The following CHIC1 variants were observed in gnomAD, a reference collection of about 807,000 sequenced individuals.
CHIC1 encodes the protein cysteine-rich hydrophobic domain-containing protein 1.
CHIC1 carries 7 observed loss-of-function variants against 18.5 expected under a neutral mutation model. The observed-to-expected ratio is 0.38, with a 90% CI of 0.22 to 0.71. The LOEUF (loss-of-function observed/expected upper bound fraction) is 0.71. Ranked by LOEUF, CHIC1 falls within the 30% of genes least tolerant of loss-of-function variation. The pLI, the probability that CHIC1 is intolerant of heterozygous loss-of-function variation, is 0.49. For synonymous variants in CHIC1, 77 were observed against 73.5 expected, an observed-to-expected ratio of 1.05 and a Z score of -0.25; for missense variants, 159 against 176.9, an observed-to-expected ratio of 0.90 and a Z score of 0.57.
chrX:73,664,627 A>G (rs990244151), intron 3 of CHIC1, among the ~76,000 whole-genome samples: 1 of 111,745 alleles, frequency 8.9e-6, no homozygotes, highest in Non-Finnish European at 1.9e-5. Flanking sequence ...ATGGCTCCTG[A>G]GGCCCTTGTC....
At chrX:73,671,831 A>G (rs2058032340) in intron 3 of CHIC1, among the ~76,000 whole-genome samples, 1 of 109,080 alleles carries the variant, frequency 9.2e-6, no homozygotes, top group Non-Finnish European at 1.9e-5. Flanking sequence ...CAGGTTTGTT[A>G]CATATGTATA....
In CHIC1 at chrX:73,641,836, A is replaced by T. The variant is rs762704895; in HGVS notation, c.508-37490A>T. The stretch of plus-strand genomic sequence containing the variant: ...TTCCAATTTCATCCATGTCCCTACA[A>T]AGGACATGAACTCATCATTTTTTAG... On this transcript the variant is annotated intron_variant, in intron 3 of 5. Transcript: ENST00000373502. 3.6e-5 allele frequency among the ~76,000 whole-genome samples: 4 copies of T among 111,466 alleles called. No homozygotes were observed. In the South Asian group the frequency reaches 1.5e-3, roughly 42 times the overall value.
At chrX:73,672,770 T>C (rs1215736542) in intron 3 of CHIC1, among the ~76,000 whole-genome samples, 3 of 111,948 alleles carry the variant, frequency 2.7e-5, no homozygotes, top group Non-Finnish European at 5.6e-5. Flanking sequence ...TTTAGTTTAA[T>C]TAGATCCCAT....
intron 3 of CHIC1, among the ~76,000 whole-genome samples, chrX:73,588,148 A>G (rs1009878807): frequency 2.7e-5 from 3 of 111,410 alleles, no homozygotes; most frequent in Admixed American, 9.5e-5. Flanking sequence ...GTTAACTCAT[A>G]TTAAGAGAAC....
At chrX:73,576,514 A>G (rs2057500046) in intron 1 of CHIC1, among the ~76,000 whole-genome samples, 1 of 110,557 alleles carries the variant, frequency 9.0e-6, no homozygotes, top group African/African-American at 3.3e-5. Context: ...TCTTTGAAAC[A>G]TGTTATGTAG....
intron 3 of CHIC1, among the ~76,000 whole-genome samples, chrX:73,646,929 C>A (rs1051755931): frequency 4.5e-5 from 5 of 112,339 alleles, no homozygotes; most frequent in Non-Finnish European, 9.4e-5. Context: ...TTCATAGTTT[C>A]AGGTCTTACA....
chrX:73,616,698 G>A (rs922435691), intron 3 of CHIC1, among the ~76,000 whole-genome samples: 1 of 112,056 alleles, frequency 8.9e-6, no homozygotes, highest in African/African-American at 3.2e-5. Flanking sequence ...CTTGGGGCTT[G>A]CTTCCTCTGA....
At chrX:73,664,219 C>A (rs1253639613) in intron 3 of CHIC1, among the ~76,000 whole-genome samples, 3 of 111,695 alleles carry the variant, frequency 2.7e-5, no homozygotes, top group Admixed American at 9.5e-5. Flanking sequence ...TCAATTTGGA[C>A]CTGCATTGAT....
chrX:73,578,782 A>G (rs1394347381), intron 2 of CHIC1: 1 of 110,602 alleles, frequency 9.0e-6, no homozygotes, highest in Non-Finnish European at 1.9e-5. Flanking sequence ...GGATAGAGGC[A>G]AGGGTAAGGA....
intron 3 of CHIC1, among the ~76,000 whole-genome samples, chrX:73,663,516 A>G (rs889558629): frequency 1.4e-4 from 15 of 110,606 alleles, no homozygotes; most frequent in African/African-American, 4.9e-4. Context: ...CTGAATTGCA[A>G]CATGTTAGGG....
intron 3 of CHIC1, among the ~76,000 whole-genome samples, chrX:73,626,150 A>G (rs1286932546): frequency 9.0e-6 from 1 of 111,448 alleles, no homozygotes; most frequent in Non-Finnish European, 1.9e-5. Context: ...GAAATAAAAG[A>G]ATGGCTACTC....
intron 3 of CHIC1, among the ~76,000 whole-genome samples, chrX:73,602,887 G>C (rs1227133316): frequency 9.2e-6 from 1 of 108,707 alleles, no homozygotes; most frequent in Admixed American, 9.7e-5. Context: ...ATCTGTTTTG[G>C]TATTAGTACA....
At chrX:73,670,876 T>C (rs1397679662) in intron 3 of CHIC1, among the ~76,000 whole-genome samples, 5 of 111,931 alleles carry the variant, frequency 4.5e-5, no homozygotes, top group Non-Finnish European at 9.4e-5. Context: ...TCTGAGAAGA[T>C]ACTTGATATG....
intron 3 of CHIC1, among the ~76,000 whole-genome samples, chrX:73,645,795 A>G (rs1048099321): frequency 3.6e-5 from 4 of 111,550 alleles, no homozygotes; most frequent in Admixed American, 9.5e-5. Flanking sequence ...TGTTTTGGAT[A>G]TTAGCCTTGT....
intron 3 of CHIC1, among the ~76,000 whole-genome samples, chrX:73,677,271 A>G (rs2058070627): frequency 8.9e-6 from 1 of 112,030 alleles, no homozygotes; most frequent in Middle Eastern, 4.6e-3. Context: ...TCAGAGAGGG[A>G]CATTTAAGTC....
At position 73,563,697 on chromosome X, in the gene CHIC1, C is replaced by T. The variant is rs189005165; in HGVS notation, c.296+117C>T. ...GTTGACTGATTGACTGAGGCGTACACTTAGGAAAGGACACCTGGTCTAAAT... is the reference window on the plus strand; with the variant it reads ...GTTGACTGATTGACTGAGGCGTACATTTAGGAAAGGACACCTGGTCTAAAT... On this transcript the variant is annotated intron_variant, in intron 1 of 5. Transcript: ENST00000373502. The T allele has an allele frequency of 2.8e-3, 1,955 of 705,729 alleles. 8 individuals carry two copies. The highest frequency in any genetic ancestry group is 4.9e-3 in the Middle Eastern group (14 of 2,846). 58.2% of individuals were successfully genotyped at this position (705,729 alleles called of 1,213,427 possible). A position where few individuals can be genotyped will look rare whatever the true frequency, so the allele number is the denominator to read the frequency against.
chrX:73,613,635 A>T (rs1186849067), intron 3 of CHIC1, among the ~76,000 whole-genome samples: 1 of 112,154 alleles, frequency 8.9e-6, no homozygotes, highest in African/African-American at 3.2e-5. Context: ...TTTTTATAGC[A>T]ACACAAATTG....
At position 73,655,485 on chromosome X, in the gene CHIC1, CAATATT is replaced by C. The variant is rs1348808335; in HGVS notation, c.508-23840_508-23835del. ...GTGTATATATATATACATATATACA[CAATATT>C]GTGTATATATATATACATATATACA... On this transcript the variant is annotated intron_variant, in intron 3 of 5. Coordinates refer to ENST00000373502, the MANE Select transcript of CHIC1 (RefSeq NM_001039840.4). Among the ~76,000 whole-genome samples the C allele has an allele frequency of 5.4e-5, 3 of 55,967 alleles. No homozygotes were observed. In the Admixed American group the frequency reaches 6.3e-4, roughly 12 times the overall value. 48.6% of individuals were successfully genotyped at this position (55,967 alleles called of 115,157 possible). A position where few individuals can be genotyped will look rare whatever the true frequency, so the allele number is the denominator to read the frequency against.
At chrX:73,671,644 G>C (rs999125222) in intron 3 of CHIC1, among the ~76,000 whole-genome samples, 1 of 110,029 alleles carries the variant, frequency 9.1e-6, no homozygotes, top group African/African-American at 3.3e-5. Context: ...ATCTTTGTTG[G>C]ATTTCTCATC....
Sources: allele counts gnomAD v4.1 joint callset (sites outside exome capture counted in the v4.1 genomes callset), GRCh38; gene constraint gnomAD v4.1.1; transcripts MANE v1.5; gene names NCBI Gene and HGNC (gene_info 2026-07-23, HGNC 2026-07-21).